MDN1: variants seen among roughly 807,000 people sequenced by gnomAD.
MDN1 encodes the protein midasin AAA ATPase 1.
MDN1 carries 266 observed loss-of-function variants against 669.2 expected under a neutral mutation model. The observed-to-expected ratio is 0.40, with a 90% CI of 0.36 to 0.44. The LOEUF is 0.44. MDN1 is among the 20% of genes least tolerant of loss of function. MDN1 has a pLI of 1.00. For missense variants in MDN1, 5,940 were observed against 6,754.0 expected (o/e 0.88, Z 4.22); for synonymous variants, 2,385 against 2,457.1 (o/e 0.97, Z 0.87).
At chr6:89,726,425 C>T (rs1317230113) in intron 37 of MDN1, among the ~76,000 whole-genome samples, 1 of 147,330 alleles carries the variant, frequency 6.8e-6, no homozygotes, top group Non-Finnish European at 1.5e-5. Context: ...GAACCCACCA[C>T]TGCACTCCAG....
intron 66 of MDN1, 84 bp downstream of exon 66, chr6:89,688,489 G>A: frequency 8.0e-7 from 1 of 1,242,834 alleles, no homozygotes. Flanking sequence ...ATGTGCAAGT[G>A]GGTGCCCCCA....
chr6:89,678,424 G>A (rs1811379307), intron 75 of MDN1, among the ~76,000 whole-genome samples, 175 bp downstream of exon 75: 1 of 152,126 alleles, frequency 6.6e-6, no homozygotes, highest in African/African-American at 2.4e-5. Flanking sequence ...TGGATGGCTG[G>A]TCATAGGATT....
intron 11 of MDN1, among the ~76,000 whole-genome samples, chr6:89,779,746 C>T (rs1456602213): frequency 2.0e-5 from 3 of 152,260 alleles, no homozygotes; most frequent in Non-Finnish European, 4.4e-5. Flanking sequence ...TTTAATGCCA[C>T]GTTAGTTGAG....
chr6:89,813,308 G>C (rs559865627), intron 1 of MDN1, among the ~76,000 whole-genome samples: 2 of 152,110 alleles, frequency 1.3e-5, no homozygotes, highest in African/African-American at 4.8e-5. Flanking sequence ...CCAGCACTTC[G>C]GGAGACCGAG....
chr6:89,766,158 G>T (rs2128321668), intron 15 of MDN1, among the ~76,000 whole-genome samples: 1 of 152,200 alleles, frequency 6.6e-6, no homozygotes, highest in East Asian at 1.9e-4. Context: ...AATTAGCCGG[G>T]CCTGGTGGCG....
At chr6:89,670,170 A>ATATATATTTTTTTT (rs1444537561) in intron 83 of MDN1, among the ~76,000 whole-genome samples, 26 of 23,376 alleles carry the variant, frequency 1.1e-3, no homozygotes, top group Admixed American at 1.9e-3. Context: ...ATATATATAT[A>ATATATATTTTTTTT]TTTTTTTTTT....
rs1355768744 is a variant in MDN1, at chr6:89,692,529, T to TC, written c.10500dup (p.Asn3501GlufsTer34). On this transcript the variant is annotated frameshift_variant, in exon 63 of 102. Coordinates refer to ENST00000369393, the MANE Select transcript of MDN1 (RefSeq NM_014611.3). LOFTEE classifies it high-confidence loss of function. ...TGGGAGCGCAGGTAAAGGAGAGCATTCATCAGCAGCTGCTCCCGAGTGGGA... is the reference window on the plus strand; with the variant it reads ...TGGGAGCGCAGGTAAAGGAGAGCATTCCATCAGCAGCTGCTCCCGAGTGGGA... 1 of 1,614,190 alleles carries TC rather than the reference T, an allele frequency of 6.2e-7. No individual in the cohort carries two copies. Among genetic ancestry groups the TC allele is most frequent in the South Asian group, 1.1e-5 (1 of 91,074 alleles).
chr6:89,682,711 A>AAAAAAAAAAC (rs1811712656), intron 73 of MDN1, among the ~76,000 whole-genome samples: 1 of 61,640 alleles, frequency 1.6e-5, no homozygotes, highest in Non-Finnish European at 3.1e-5. Context: ...AAAAAAAAAA[A>AAAAAAAAAAC]AAAAAAAAAA....
At chr6:89,670,517 C>A (rs1308364258) in intron 83 of MDN1, among the ~76,000 whole-genome samples, 1 of 152,048 alleles carries the variant, frequency 6.6e-6, no homozygotes, top group African/African-American at 2.4e-5. Flanking sequence ...ATCATTTAAT[C>A]ATAATTACAC....
chr6:89,781,034 C>T (rs1818645383), intron 10 of MDN1, among the ~76,000 whole-genome samples: 3 of 151,712 alleles, frequency 2.0e-5, no homozygotes, highest in South Asian at 4.2e-4. Context: ...TCATAGATAG[C>T]GAAATCCAAG....
intron 1 of MDN1, chr6:89,815,277 C>G: frequency 6.5e-6 from 3 of 463,114 alleles, no homozygotes; most frequent in Non-Finnish European, 4.2e-6. Flanking sequence ...TGATAGTGAC[C>G]TAGCACCTAT....
At chr6:89,749,418 A>G in intron 25 of MDN1, 49 bp from the exon 26 acceptor site, 1 of 1,602,840 alleles carries the variant, frequency 6.2e-7, no homozygotes, top group Non-Finnish European at 8.5e-7. Flanking sequence ...TTTAATTTCC[A>G]ATATGGAGGC....
intron 83 of MDN1, among the ~76,000 whole-genome samples, chr6:89,669,095 C>G (rs577893571): frequency 6.6e-6 from 1 of 152,204 alleles, no homozygotes; most frequent in Non-Finnish European, 1.5e-5. Flanking sequence ...GCAGCTGCTA[C>G]GTCTGGGATA....
chr6:89,794,693 C>A lies in MDN1; in HGVS notation c.438G>T (p.Arg146=). The A allele has an allele frequency of 6.2e-7, 1 of 1,614,186 alleles. No individual in the cohort carries two copies. ...ACTTGAAGGCTGCTTCCATTAGGTC[C>A]CGGAGCTTCATCCTCCTACGTCCAT... is the stretch of plus-strand genomic sequence containing the variant. ...VRYGRRRMKL[R]DLMEAAFKFL... Residue 146 remains arginine (R), a synonymous_variant, in exon 3 of 102, where the codon CGG becomes CGT. Coordinates refer to ENST00000369393, the MANE Select transcript of MDN1 (RefSeq NM_014611.3).
intron 100 of MDN1, among the ~76,000 whole-genome samples, chr6:89,646,255 C>CCA (rs1019720605): frequency 6.6e-6 from 1 of 152,134 alleles, no homozygotes; most frequent in Non-Finnish European, 1.5e-5. Context: ...ATATTTAATT[C>CCA]CACACACACC....
intron 74 of MDN1, among the ~76,000 whole-genome samples, chr6:89,679,385 T>C (rs1811447598): frequency 6.6e-6 from 1 of 152,200 alleles, no homozygotes; most frequent in Non-Finnish European, 1.5e-5. Context: ...TGGGTACCAA[T>C]AACACAAGGG....
chr6:89,719,146 T>C lies in MDN1; in HGVS notation c.6047A>G (p.Tyr2016Cys), dbSNP rs771046337. 5.3e-5 allele frequency: 85 copies of C among 1,613,204 alleles called. 4 individuals are homozygous for C. Among genetic ancestry groups the C allele is most frequent in the Non-Finnish European group, 5.0e-5 (59 of 1,179,266 alleles). The change falls in exon 41 of 102, where the codon TAT becomes TGT. Residue 2016 changes from tyrosine (Y) to cysteine (C), a missense_variant. Physicochemically the swap from Tyr to Cys is radical, Grantham distance 194. Transcript: ENST00000369393. ...TCCTAGTCTCCTTACCTGAACATCA[T>C]AGGGAGTGATACGAAATAGTCTGGT... is the stretch of plus-strand genomic sequence containing the variant. ...MGTRLFRITP[Y>C]DVQLGYSVLS...
Position 89,781,433 on chromosome 6 carries a change from T to C in MDN1, c.1609A>G (p.Arg537Gly), listed in dbSNP as rs1253713914. 1.2e-6 allele frequency: 2 copies of C among 1,614,162 alleles called. No individual in the cohort carries two copies. The highest frequency in any genetic ancestry group is 2.2e-5 in the South Asian group (2 of 91,078). ...AATTCTCTTCCCTCAAGGGTTGGTC[T>C]TTTGTTTTCTCTTCTGGCTTCTGAA... Reference protein sequence around the residue: ...EVSEARRENKRPTLEGRELSL... With the variant: ...EVSEARRENKGPTLEGRELSL... The change falls in exon 10 of 102, where the codon AGA (arginine) becomes GGA (glycine). Residue 537 changes from arginine (R) to glycine (G), a missense_variant. By Grantham distance (125) the Arg-to-Gly change is moderately radical. Around this residue, in one of 5 missense-constraint regions of MDN1, gnomAD observed 1,203 missense variants for 1,268.9 expected, o/e 0.95. Transcript: ENST00000369393.
chr6:89,658,961 C>T (rs558864180), intron 88 of MDN1, 44 bp from the exon 89 acceptor site: 25 of 1,520,512 alleles, frequency 1.6e-5, no homozygotes, highest in African/African-American at 4.2e-5. Context: ...ATTTTTGAAA[C>T]GTACATGATT....
Sources: gnomAD v4.1 joint callset for allele counts (sites outside exome capture counted in the v4.1 genomes callset) on GRCh38, gnomAD v4.1.1 for gene constraint, gnomAD v4.1.1 regional missense constraint, MANE v1.5 for transcripts, NCBI Gene and HGNC (gene_info 2026-07-23, HGNC 2026-07-21) for gene names.